HECW2: variants seen among roughly 807,000 people sequenced by gnomAD.
The protein encoded by HECW2 is HECT, C2 and WW domain containing E3 ubiquitin protein ligase 2, also known as E3 ubiquitin-protein ligase HECW2.
HECW2 carries 61 observed loss-of-function variants against 175.2 expected under a neutral mutation model. The observed-to-expected ratio is 0.35, with a 90% confidence interval of 0.28 to 0.43. HECW2 has a LOEUF of 0.43. Ranked by LOEUF, HECW2 falls within the 20% of genes least tolerant of loss-of-function variation. The pLI, the probability that HECW2 is intolerant of heterozygous loss-of-function variation, is 1.00. For synonymous variants in HECW2, 671 were observed against 731.0 expected (o/e 0.92, Z 1.32); for missense variants, 1,524 against 2,000.5 (o/e 0.76, Z 4.54).
chr2:196,477,218 TGCAA>T (rs1480526911), intron 1 of HECW2, among the ~76,000 whole-genome samples: 1 of 151,806 alleles, frequency 6.6e-6, no homozygotes, highest in Non-Finnish European at 1.5e-5. Context: ...AATGAATACA[TGCAA>T]ATGAGAAATT....
At chr2:196,390,305 T>C (rs1694468190) in intron 2 of HECW2, among the ~76,000 whole-genome samples, 1 of 152,134 alleles carries the variant, frequency 6.6e-6, no homozygotes, top group African/African-American at 2.4e-5. Context: ...GCTTTACTGG[T>C]TTAAAGATCG....
At chr2:196,463,854 A>G (rs1362942624) in intron 1 of HECW2, among the ~76,000 whole-genome samples, 1 of 152,186 alleles carries the variant, frequency 6.6e-6, no homozygotes, top group Non-Finnish European at 1.5e-5. Flanking sequence ...GCAACATTCA[A>G]TATCTGGGCT....
At chr2:196,426,016 C>T (rs2125254803) in intron 2 of HECW2, among the ~76,000 whole-genome samples, 1 of 152,244 alleles carries the variant, frequency 6.6e-6, no homozygotes, top group Admixed American at 6.5e-5. Flanking sequence ...TCAGCAACCA[C>T]CACCCTGATC....
In HECW2 at chr2:196,257,801, A is replaced by C. The variant is rs1417117750; in HGVS notation, c.3419+22T>G. ...TGATGACAAGAGACCTTCTGCTTCA[A>C]GAGTGAGTGTTACGTATGTACCTCA... On this transcript the variant is annotated intron_variant, in intron 18 of 28. Coordinates refer to ENST00000644978, the MANE Select transcript of HECW2 (RefSeq NM_001348768.2). 6 of 1,558,294 alleles carry C rather than the reference A, an allele frequency of 3.9e-6. No homozygotes were observed. In the African/African-American group the frequency reaches 8.1e-5, roughly 21 times the overall value.
rs1418134697 is a variant in HECW2 at position 196,258,227 on chromosome 2, G to A, written c.3336-321C>T. Reference sequence around the variant, plus strand: ...AAATCAGTGTCTGCTTTGAGTTAAAGCTGACTGTGGGCCTGAATTTTAGCG... The same window carrying A: ...AAATCAGTGTCTGCTTTGAGTTAAAACTGACTGTGGGCCTGAATTTTAGCG... On this transcript the variant is annotated intron_variant, in intron 17 of 28. Transcript: ENST00000644978. 10 of 254,540 alleles carry A rather than the reference G, an allele frequency of 3.9e-5. No homozygotes were observed. The Admixed American group carries it at 4.5e-4, about 11-fold the overall frequency. 15.8% of individuals were successfully genotyped at this position (254,540 alleles called of 1,614,324 possible). A position where few individuals can be genotyped will look rare whatever the true frequency, so the allele number is the denominator to read the frequency against.
intron 1 of HECW2, among the ~76,000 whole-genome samples, chr2:196,471,977 TA>T (rs34039865): frequency 2.5e-3 from 321 of 130,118 alleles, no homozygotes; most frequent in East Asian, 3.4e-3. Context: ...AACAAAAGTT[TA>T]AAAAAAAAAA....
chr2:196,523,073 T>C (rs1313759810), intron 1 of HECW2, among the ~76,000 whole-genome samples: 1 of 151,588 alleles, frequency 6.6e-6, no homozygotes, highest in African/African-American at 2.4e-5. Context: ...TTGGGCAGTA[T>C]GGCCATTTTC....
At chr2:196,229,973 T>C (rs1381293434) in intron 21 of HECW2, among the ~76,000 whole-genome samples, 3 of 152,160 alleles carry the variant, frequency 2.0e-5, no homozygotes, top group Admixed American at 6.5e-5. Context: ...ATTTAACACA[T>C]CACCAGTGGT....
At chr2:196,425,225 G>A (rs1695510143) in intron 2 of HECW2, among the ~76,000 whole-genome samples, 5 of 143,466 alleles carry the variant, frequency 3.5e-5, no homozygotes, top group Non-Finnish European at 6.1e-5. Flanking sequence ...ATACTGCTTG[G>A]AAAAAAAAAA....
At chr2:196,328,146 G>C (rs1274623094) in intron 5 of HECW2, among the ~76,000 whole-genome samples, 1 of 151,990 alleles carries the variant, frequency 6.6e-6, no homozygotes, top group Non-Finnish European at 1.5e-5. Context: ...GAGCTATCAG[G>C]GTCGACAAAT....
intron 1 of HECW2, among the ~76,000 whole-genome samples, chr2:196,541,539 G>C (rs1455544362): frequency 1.3e-5 from 2 of 152,086 alleles, no homozygotes; most frequent in African/African-American, 4.8e-5. Flanking sequence ...AAAGCACGGA[G>C]GAAGGCTTAT....
chr2:196,372,235 G>C (rs552488018), intron 2 of HECW2, among the ~76,000 whole-genome samples: 1 of 152,234 alleles, frequency 6.6e-6, no homozygotes, highest in East Asian at 1.9e-4. Flanking sequence ...GTAATAAGAA[G>C]CACAAAGTAT....
chr2:196,507,671 C>G (rs923959445), intron 1 of HECW2, among the ~76,000 whole-genome samples: 1 of 152,206 alleles, frequency 6.6e-6, no homozygotes, highest in African/African-American at 2.4e-5. Flanking sequence ...CCCACTGCAA[C>G]CCTATCACTG....
chr2:196,566,311 T>C (rs1575679108), intron 1 of HECW2, among the ~76,000 whole-genome samples: 1 of 151,016 alleles, frequency 6.6e-6, no homozygotes, highest in Non-Finnish European at 1.5e-5. Flanking sequence ...CCAGATGTTA[T>C]GGTGCTGTAA....
chr2:196,350,371 AT>A (rs1693127638), intron 2 of HECW2, among the ~76,000 whole-genome samples: 1 of 152,236 alleles, frequency 6.6e-6, no homozygotes, highest in African/African-American at 2.4e-5. Flanking sequence ...TCTTAAAAAA[AT>A]AAACAAATAA....
rs575242344 is a variant in HECW2, at chr2:196,416,304, C to G, written c.292+16828G>C. 6.6e-5 allele frequency among the ~76,000 whole-genome samples: 10 copies of G among 152,180 alleles called. No homozygotes were observed. In the South Asian group the frequency reaches 2.1e-3, roughly 32 times the overall value. On this transcript the variant is annotated intron_variant, in intron 2 of 28. Transcript: ENST00000644978. ...GCACTCAGCCCTGTGGATTTAAAAT[C>G]CCAAGGACAGTGTGCTGCACTAAAA...
At chr2:196,321,564 A>AT (rs1398465938) in intron 7 of HECW2, among the ~76,000 whole-genome samples, 1 of 151,516 alleles carries the variant, frequency 6.6e-6, no homozygotes, top group Non-Finnish European at 1.5e-5. Context: ...CACTCAGCTA[A>AT]TTTTTTTGTA....
At chr2:196,334,245 A>T (rs1431938294) in intron 4 of HECW2, among the ~76,000 whole-genome samples, 179 bp downstream of exon 4, 2 of 152,162 alleles carry the variant, frequency 1.3e-5, no homozygotes, top group Non-Finnish European at 2.9e-5. Flanking sequence ...CACTGATTCG[A>T]ATTAGGGATT....
At chr2:196,478,193 A>C (rs1686724006) in intron 1 of HECW2, among the ~76,000 whole-genome samples, 1 of 152,204 alleles carries the variant, frequency 6.6e-6, no homozygotes, top group Non-Finnish European at 1.5e-5. Context: ...GAAAATTCAA[A>C]AGGAGAAATC....
Sources: allele counts gnomAD v4.1 joint callset (sites outside exome capture counted in the v4.1 genomes callset), GRCh38; gene constraint gnomAD v4.1.1; transcripts MANE v1.5; gene names NCBI Gene and HGNC (gene_info 2026-07-23, HGNC 2026-07-21).